DROSHA: variants seen among roughly 807,000 people sequenced by gnomAD.
The protein encoded by DROSHA is ribonuclease 3.
A neutral mutation model predicts 181.9 loss-of-function variants in DROSHA; 56 were observed. The observed-to-expected ratio is 0.31, with a 90% CI of 0.25 to 0.38. The LOEUF (loss-of-function observed/expected upper bound fraction) is 0.38. Among genes scored for constraint, DROSHA ranks in the 10% least tolerant of loss-of-function variants. The pLI is 1.00. For synonymous variants in DROSHA, 524 were observed against 591.2 expected (o/e 0.89, Z 1.65); for missense variants, 1,218 against 1,743.5 (o/e 0.70, Z 5.37).
Position 31,446,290 on chromosome 5 carries a change from CA to C in DROSHA, c.2882+2256del, listed in dbSNP as rs371785039. 0.022 allele frequency among the ~76,000 whole-genome samples: 3,307 copies of C among 151,296 alleles called. 236 individuals are homozygous for C. The East Asian group carries it at 0.25, about 11-fold the overall frequency. On this transcript the variant is annotated intron_variant, in intron 23 of 35. Transcript: ENST00000344624. ...TGAGACCCTGTCTCTACTAAAAATA[CA>C]AAAAAATTAGCCGGGTGTGGTGGCG... is the stretch of plus-strand genomic sequence containing the variant.
intron 27 of DROSHA, among the ~76,000 whole-genome samples, chr5:31,428,661 A>G (rs546525022): frequency 6.6e-6 from 1 of 152,302 alleles, no homozygotes; most frequent in South Asian, 2.1e-4. Flanking sequence ...AAAACTACCC[A>G]AAGTAATACA....
intron 29 of DROSHA, 57 bp downstream of exon 29, chr5:31,422,730 C>T: frequency 6.3e-7 from 1 of 1,599,852 alleles, no homozygotes; most frequent in Non-Finnish European, 8.5e-7. Context: ...CTCCAAAGGT[C>T]TGGGACTGCC....
Position 31,409,579 on chromosome 5 carries a change from A to G in DROSHA, c.3668-247T>C. On this transcript the variant is annotated intron_variant, in intron 31 of 35. Coordinates refer to ENST00000344624, the MANE Select transcript of DROSHA (RefSeq NM_001382508.1). The surrounding 1 kb of genome is among the most constrained non-coding windows in gnomAD (Gnocchi z 4.0). ...GCATTTAGCTAAGGGCTAAAGGAATAGCTTAAAAGGTACACAGAATGCCGC... is the reference window on the plus strand; with the variant it reads ...GCATTTAGCTAAGGGCTAAAGGAATGGCTTAAAAGGTACACAGAATGCCGC... 8.6e-6 allele frequency: 4 copies of G among 466,238 alleles called. No homozygotes were observed. Among genetic ancestry groups the G allele is most frequent in the Non-Finnish European group, 1.6e-5 (4 of 255,766 alleles). 28.9% of individuals were successfully genotyped at this position (466,238 alleles called of 1,614,324 possible).
chr5:31,418,706 G>T (rs1008263070), intron 30 of DROSHA, among the ~76,000 whole-genome samples: 1 of 152,168 alleles, frequency 6.6e-6, no homozygotes, highest in Non-Finnish European at 1.5e-5. Flanking sequence ...GAATAACACT[G>T]TCAGGGCTTG....
rs1172138808 is a variant in DROSHA at position 31,401,349 on chromosome 5, C to G, written c.*83G>C. 1 of 1,556,594 alleles carries G rather than the reference C, an allele frequency of 6.4e-7. No homozygotes were observed. Among genetic ancestry groups the G allele is most frequent in the Admixed American group, 1.7e-5 (1 of 59,182 alleles). On this transcript the variant is annotated 3_prime_UTR_variant, in exon 36 of 36. Transcript: ENST00000344624. ...TCAATGAGCACACTTCATTCATTGT[C>G]TGCAGGAAAACTAGGCTAGGTCTCA...
chr5:31,466,059 G>C, intron 19 of DROSHA, 123 bp downstream of exon 19: 1 of 989,766 alleles, frequency 1.0e-6, no homozygotes. Flanking sequence ...GGAGGGTAAA[G>C]TATGATTTTT....
chr5:31,528,191 A>G (rs1740820560), intron 4 of DROSHA, among the ~76,000 whole-genome samples: 2 of 151,944 alleles, frequency 1.3e-5, no homozygotes. Context: ...AAGTGATGCT[A>G]CTCACCTGCA....
intron 20 of DROSHA, among the ~76,000 whole-genome samples, chr5:31,451,915 C>T (rs972256840): frequency 3.3e-5 from 5 of 152,170 alleles, no homozygotes; most frequent in Non-Finnish European, 7.3e-5. Flanking sequence ...ACCTCTCTGC[C>T]TCAGTTTCCT....
At chr5:31,473,016 C>G (rs1037844321) in intron 16 of DROSHA, among the ~76,000 whole-genome samples, 1 of 152,178 alleles carries the variant, frequency 6.6e-6, no homozygotes, top group Non-Finnish European at 1.5e-5. Context: ...ACTTCTGGAC[C>G]AACATGGGCA....
rs9292432 is a variant in DROSHA, at chr5:31,514,260, C to T, written c.1290+728G>A. On this transcript the variant is annotated intron_variant, in intron 8 of 35. Transcript: ENST00000344624. The surrounding 1 kb of genome is among the most constrained non-coding windows in gnomAD (Gnocchi z 4.4). ...ACACACACACACACACACACACACA[C>T]ATACACATACACACTACAAACTGCA... 0.88 allele frequency among the ~76,000 whole-genome samples: 131,076 copies of T among 148,374 alleles called. 59,714 individuals are homozygous for T. Among genetic ancestry groups the T allele is most frequent in the East Asian group, 0.97 (4,939 of 5,096 alleles).
In DROSHA at chr5:31,526,880, C is replaced by T; in HGVS notation, c.53G>A (p.Cys18Tyr). ...HRMSFHPGRG[C>Y]PRGRGGHGAR... ...TCCATGTCCTCCTCGTCCTCGGGGACACCCTCGTCCCGGGTGGAACGACAT... is the reference window on the plus strand; with the variant it reads ...TCCATGTCCTCCTCGTCCTCGGGGATACCCTCGTCCCGGGTGGAACGACAT... The change falls in exon 5 of 36, where the codon TGT (cysteine) becomes TAT (tyrosine). Residue 18 changes from cysteine (C) to tyrosine (Y), a missense_variant. Cys to Tyr is a radical substitution (Grantham distance 194). Transcript: ENST00000344624. 1 of 1,613,114 alleles carries T rather than the reference C, an allele frequency of 6.2e-7. No individual in the cohort carries two copies. The highest frequency in any genetic ancestry group is 8.5e-7 in the Non-Finnish European group (1 of 1,179,808).
intron 17 of DROSHA, among the ~76,000 whole-genome samples, chr5:31,469,214 G>A (rs574322208): frequency 1.8e-4 from 27 of 152,140 alleles, no homozygotes; most frequent in African/African-American, 2.9e-4. Flanking sequence ...AAAATTAGCC[G>A]GGCGTGGTGG....
At chr5:31,439,395 A>G (rs1255663377) in intron 23 of DROSHA, among the ~76,000 whole-genome samples, 1 of 152,104 alleles carries the variant, frequency 6.6e-6, no homozygotes, top group East Asian at 1.9e-4. Flanking sequence ...CTCAGTGCCT[A>G]TGTTCAAGTC....
rs1580411062 is a variant in DROSHA at position 31,530,470 on chromosome 5, C to A, written c.-47+328G>T. Among the ~76,000 whole-genome samples the A allele has an allele frequency of 2.6e-5, 4 of 152,060 alleles. No homozygotes were observed. In the South Asian group the frequency reaches 8.3e-4, roughly 32 times the overall value. ...TACCTTCCCCAGAAAGACCCTACTACCCCATGTTTTCCCAACAGATTACCA... is the reference window on the plus strand; with the variant it reads ...TACCTTCCCCAGAAAGACCCTACTAACCCATGTTTTCCCAACAGATTACCA... On this transcript the variant is annotated intron_variant, in intron 3 of 35. Coordinates refer to ENST00000344624, the MANE Select transcript of DROSHA (RefSeq NM_001382508.1).
intron 11 of DROSHA, among the ~76,000 whole-genome samples, chr5:31,497,317 C>T (rs986142844): frequency 6.6e-6 from 1 of 152,176 alleles, no homozygotes; most frequent in South Asian, 2.1e-4. Context: ...TAAACCTGAC[C>T]TAAGACTTCC....
chr5:31,515,251 A>G, intron 7 of DROSHA, 32 bp from the exon 8 acceptor site: 1 of 1,577,182 alleles, frequency 6.3e-7, no homozygotes, highest in Non-Finnish European at 8.6e-7. Flanking sequence ...GTTAATTATT[A>G]AAAATACTCT....
intron 23 of DROSHA, among the ~76,000 whole-genome samples, chr5:31,447,249 A>C (rs1366645693): frequency 6.6e-6 from 1 of 152,202 alleles, no homozygotes; most frequent in African/African-American, 2.4e-5. Context: ...GGAGAACAAA[A>C]GGAGGGAGAG....
intron 12 of DROSHA, 114 bp downstream of exon 12, chr5:31,495,172 T>C (rs1252762998): frequency 8.1e-7 from 1 of 1,228,836 alleles, no homozygotes; most frequent in African/African-American, 1.5e-5. Flanking sequence ...AACATAAAAA[T>C]AAAATATTTT....
chr5:31,401,621 AG>A (rs1207844068), intron 35 of DROSHA, 59 bp from the exon 36 acceptor site: 1 of 1,141,668 alleles, frequency 8.8e-7, no homozygotes, highest in East Asian at 3.7e-5. Context: ...TCTAGTGCAA[AG>A]AATAATGCAA....
Sources: gnomAD v4.1 joint callset for allele counts (sites outside exome capture counted in the v4.1 genomes callset) on GRCh38, gnomAD v4.1.1 for gene constraint, Gnocchi (gnomAD v3.1) non-coding constraint, MANE v1.5 for transcripts, NCBI Gene and HGNC (gene_info 2026-07-23, HGNC 2026-07-21) for gene names.